MYRIP: variants seen among roughly 807,000 people sequenced by gnomAD.
MYRIP encodes the protein rab effector MyRIP.
MYRIP carries 49 observed loss-of-function variants against 98.0 expected under a neutral mutation model. The observed-to-expected ratio is 0.50, with a 90% CI of 0.40 to 0.63. The LOEUF (loss-of-function observed/expected upper bound fraction) is 0.63, where lower values mean the gene tolerates loss of function less well. Among genes scored for constraint, MYRIP ranks in the 30% least tolerant of loss-of-function variants. MYRIP has a pLI of 0.00. For synonymous variants in MYRIP, 404 were observed against 409.5 expected (o/e 0.99, Z 0.16); for missense variants, 1,004 against 1,058.2 (o/e 0.95, Z 0.71).
intron 1 of MYRIP, among the ~76,000 whole-genome samples, chr3:39,844,692 G>A (rs1235235084): frequency 6.6e-6 from 1 of 152,172 alleles, no homozygotes; most frequent in East Asian, 1.9e-4. Flanking sequence ...CAATGCCAGG[G>A]CCTTGTAGCA....
chr3:39,999,577 G>A (rs1477714500), intron 2 of MYRIP, among the ~76,000 whole-genome samples: 1 of 149,606 alleles, frequency 6.7e-6, no homozygotes, highest in Non-Finnish European at 1.5e-5. Flanking sequence ...ACTGTTGGTG[G>A]GACTGTAAAC....
chr3:40,075,442 G>A (rs942273727), intron 3 of MYRIP, among the ~76,000 whole-genome samples: 3 of 152,206 alleles, frequency 2.0e-5, no homozygotes, highest in Non-Finnish European at 2.9e-5. Flanking sequence ...GGAGAAGGGC[G>A]AGAGCATGGC....
chr3:40,249,924 C>T (rs1051305695), intron 13 of MYRIP, among the ~76,000 whole-genome samples: 4 of 152,174 alleles, frequency 2.6e-5, no homozygotes, highest in South Asian at 2.1e-4. Context: ...CAGGTGGCCC[C>T]GGGCCAGGGT....
At chr3:39,902,089 T>TAAC (rs1943756367) in intron 2 of MYRIP, among the ~76,000 whole-genome samples, 1 of 152,178 alleles carries the variant, frequency 6.6e-6, no homozygotes, top group Non-Finnish European at 1.5e-5. Context: ...CCAAGGTTTT[T>TAAC]TGGCATAGGA....
intron 8 of MYRIP, among the ~76,000 whole-genome samples, chr3:40,180,326 G>A (rs1012722235): frequency 3.9e-5 from 6 of 152,174 alleles, no homozygotes; most frequent in East Asian, 1.9e-4. Flanking sequence ...CCATTCACTC[G>A]ATAGCAAACA....
At chr3:39,878,631 G>C (rs187683495) in intron 1 of MYRIP, among the ~76,000 whole-genome samples, 1 of 151,454 alleles carries the variant, frequency 6.6e-6, no homozygotes, top group Non-Finnish European at 1.5e-5. Flanking sequence ...TATCTTTTTT[G>C]CTTCTATTTA....
At chr3:40,103,152 C>T (rs1218041485) in intron 3 of MYRIP, among the ~76,000 whole-genome samples, 1 of 152,082 alleles carries the variant, frequency 6.6e-6, no homozygotes, top group East Asian at 1.9e-4. Context: ...CACCTGGCTC[C>T]AGCTTGCCTG....
At chr3:39,832,974 T>C (rs1941497855) in intron 1 of MYRIP, among the ~76,000 whole-genome samples, 1 of 152,110 alleles carries the variant, frequency 6.6e-6, no homozygotes, top group African/African-American at 2.4e-5. Context: ...AGCACCAAAT[T>C]GGAATCAACC....
At chr3:40,167,283 G>GACCCACCT (rs1950520728) in intron 7 of MYRIP, 44 bp downstream of exon 7, 1 of 1,575,746 alleles carries the variant, frequency 6.3e-7, no homozygotes, top group African/African-American at 1.4e-5. Flanking sequence ...TTCCTGGCTG[G>GACCCACCT]GCCTGGTGCA....
chr3:39,849,318 A>G (rs1942058830), intron 1 of MYRIP, among the ~76,000 whole-genome samples: 1 of 152,244 alleles, frequency 6.6e-6, no homozygotes, highest in South Asian at 2.1e-4. Context: ...GAAGTTGGAT[A>G]CAAATAGATA....
chr3:39,942,982 T>C (rs1944824431), intron 2 of MYRIP, among the ~76,000 whole-genome samples: 1 of 152,146 alleles, frequency 6.6e-6, no homozygotes, highest in Non-Finnish European at 1.5e-5. Context: ...TTAAATGAGA[T>C]AGTTGTTTTC....
At chr3:39,843,355 A>G (rs569199494) in intron 1 of MYRIP, among the ~76,000 whole-genome samples, 67 of 152,306 alleles carry the variant, frequency 4.4e-4, no homozygotes, top group African/African-American at 1.5e-3. Flanking sequence ...AACTTTCACT[A>G]TATTGAGGCT....
At chr3:40,176,921 A>AAAAAAG (rs1553622653) in intron 8 of MYRIP, among the ~76,000 whole-genome samples, 3 of 145,236 alleles carry the variant, frequency 2.1e-5, no homozygotes, top group South Asian at 2.3e-4. Context: ...AAAAAAAAAA[A>AAAAAAG]AAAAGAAAAG....
intron 2 of MYRIP, among the ~76,000 whole-genome samples, chr3:39,982,769 C>A (rs1218500304): frequency 6.6e-6 from 1 of 152,112 alleles, no homozygotes; most frequent in Non-Finnish European, 1.5e-5. Context: ...ATTACCATGC[C>A]TCATTTCTGC....
intron 8 of MYRIP, among the ~76,000 whole-genome samples, chr3:40,181,221 G>A (rs750333653): frequency 6.6e-6 from 1 of 151,428 alleles, no homozygotes; most frequent in Non-Finnish European, 1.5e-5. Context: ...AGCCGAGGTG[G>A]TCACGGAGCC....
At chr3:40,235,870 G>T (rs1952809573) in intron 12 of MYRIP, among the ~76,000 whole-genome samples, 1 of 152,176 alleles carries the variant, frequency 6.6e-6, no homozygotes, top group Admixed American at 6.5e-5. Context: ...ATTTAGAAGG[G>T]TTAAACACTA....
In MYRIP at chr3:39,900,907, AAAG is replaced by A. The variant is rs746598479; in HGVS notation, c.100_102del (p.Glu34del). On this transcript the variant is annotated inframe_deletion, in exon 2 of 17. Coordinates refer to ENST00000302541, the MANE Select transcript of MYRIP (RefSeq NM_015460.4). ...TCAAAGAGACTTCAATCTTCGCAAA[AAAG>A]AAGAAGAACGACTAAGGTGAGATGC... 246 of 1,613,182 alleles carry A rather than the reference AAAG, an allele frequency of 1.5e-4. No homozygotes were observed. Among genetic ancestry groups the A allele is most frequent in the Middle Eastern group, 6.6e-4 (4 of 6,062 alleles).
intron 1 of MYRIP, among the ~76,000 whole-genome samples, chr3:39,879,816 A>G (rs944492992): frequency 2.0e-5 from 3 of 152,070 alleles, no homozygotes; most frequent in Non-Finnish European, 4.4e-5. Flanking sequence ...CAGGTCTGGG[A>G]TCAGACAAGG....
intron 8 of MYRIP, among the ~76,000 whole-genome samples, chr3:40,175,880 C>T (rs1950741889): frequency 6.6e-6 from 1 of 152,256 alleles, no homozygotes; most frequent in Non-Finnish European, 1.5e-5. Context: ...CACTGTATGG[C>T]ACACCTCTGG....
Sources: allele counts gnomAD v4.1 joint callset (sites outside exome capture counted in the v4.1 genomes callset), GRCh38; gene constraint gnomAD v4.1.1; transcripts MANE v1.5; gene names NCBI Gene and HGNC (gene_info 2026-07-23, HGNC 2026-07-21).